Variants in EPS8L1 observed in about 807,000 individuals in gnomAD.
EPS8L1 encodes the protein epidermal growth factor receptor kinase substrate 8-like protein 1.
In EPS8L1, 101 loss-of-function variants were observed where a neutral mutation model predicts 91.7. The observed-to-expected ratio is 1.10, with a 90% CI of 0.94 to 1.30. EPS8L1 has a LOEUF of 1.30. Ranked by LOEUF, EPS8L1 falls within the 50% of genes most tolerant of loss-of-function variation. EPS8L1 has a pLI of 0.00. For synonymous variants in EPS8L1, 506 were observed against 445.3 expected (o/e 1.14, Z -1.72); for missense variants, 1,114 against 1,017.0 (o/e 1.10, Z -1.30).
chr19:55,083,070 G>A lies in EPS8L1; in HGVS notation c.1215-308G>A, dbSNP rs562611623. On this transcript the variant is annotated intron_variant, in intron 12 of 19. Transcript: ENST00000201647. This position sits in a 1 kb window ranked among gnomAD's most constrained non-coding sequence, Gnocchi z 4.7. ...GGCTGGATAAGGCAATTTTTTTCCA[G>A]AGAGAGAGATGGATGGGGTCTCAAT... Among the ~76,000 whole-genome samples, 4 of 152,196 alleles carry A rather than the reference G, an allele frequency of 2.6e-5. No homozygotes were observed. The highest frequency in any genetic ancestry group is 5.9e-5 in the Non-Finnish European group (4 of 68,004).
chr19:55,076,204 G>T (rs111231617), intron 1 of EPS8L1, among the ~76,000 whole-genome samples: 10,732 of 112,790 alleles, frequency 0.095, 693 homozygotes, highest in Non-Finnish European at 0.13. Context: ...GAGGGAGGAG[G>T]GGACTGGGGT....
rs1259352634 is a variant in EPS8L1, at chr19:55,080,566, T to C, written c.430-206T>C. 4.4e-6 allele frequency: 7 copies of C among 1,608,946 alleles called. No homozygotes were observed. The East Asian group carries it at 1.1e-4, about 26-fold the overall frequency. On this transcript the variant is annotated intron_variant, in intron 6 of 19. Transcript: ENST00000201647. The stretch of plus-strand genomic sequence containing the variant: ...GGTGGGGGCGAGGAACCACCCGGAC[T>C]GGGTCTCCATGGGCGGGGTCGTGGC...
At position 55,079,732 on chromosome 19, in the gene EPS8L1, A is replaced by G; in HGVS notation, c.160A>G (p.Thr54Ala). ...CCTGGGTGAGGACGATGGCGTGCAT[A>G]CCGTGGAGGATGCCTCCAGGAAGTT... is the stretch of plus-strand genomic sequence containing the variant. ...FCLGEDDGVH[T>A]VEDASRKLAV... The change falls in exon 5 of 20, where the codon ACC (threonine) becomes GCC (alanine). Residue 54 changes from threonine to alanine, a missense_variant. Coordinates refer to ENST00000201647, the MANE Select transcript of EPS8L1 (RefSeq NM_133180.3). The G allele has an allele frequency of 1.2e-6, 2 of 1,614,118 alleles. No individual in the cohort carries two copies. Among genetic ancestry groups the G allele is most frequent in the Non-Finnish European group, 1.7e-6 (2 of 1,180,000 alleles).
In EPS8L1 at chr19:55,087,292, C is replaced by T. The variant is rs2076363167; in HGVS notation, c.1953-11C>T. On this transcript the variant is annotated splice_polypyrimidine_tract_variant and intron_variant, in intron 18 of 19. Coordinates refer to ENST00000201647, the MANE Select transcript of EPS8L1 (RefSeq NM_133180.3). ...GACCGGCCTGACCGCGCCCGGGCTG[C>T]CCTCGCTCAGGACCGTGGACGCGCT... is the stretch of plus-strand genomic sequence containing the variant. The T allele has an allele frequency of 6.3e-7, 1 of 1,595,008 alleles. No individual in the cohort carries two copies. Among genetic ancestry groups the T allele is most frequent in the Non-Finnish European group, 8.5e-7 (1 of 1,171,404 alleles).
In EPS8L1 at chr19:55,087,748, T is replaced by C; in HGVS notation, c.*134T>C. On this transcript the variant is annotated 3_prime_UTR_variant, in exon 20 of 20. Coordinates refer to ENST00000201647, the MANE Select transcript of EPS8L1 (RefSeq NM_133180.3). ...CGGCCCTGGTCTTCCCCCATCCCGG[T>C]GGACAGACTTAACGATCCTTGCTGC... The C allele has an allele frequency of 1.1e-6, 1 of 902,292 alleles. No homozygotes were observed. The highest frequency in any genetic ancestry group is 1.8e-6 in the Non-Finnish European group (1 of 570,616). 55.9% of individuals were successfully genotyped at this position (902,292 alleles called of 1,614,324 possible).
At chr19:55,078,214 G>A in intron 3 of EPS8L1, 86 bp downstream of exon 3, 3 of 1,206,794 alleles carry the variant, frequency 2.5e-6, no homozygotes, top group Non-Finnish European at 2.4e-6. Flanking sequence ...GAGGAGGAGG[G>A]GCTGGGGGTC....
Position 55,081,981 on chromosome 19 carries a change from C to T in EPS8L1, c.901+82C>T, listed in dbSNP as rs769158966. The T allele has an allele frequency of 1.9e-6, 3 of 1,556,694 alleles. No individual in the cohort carries two copies. Among genetic ancestry groups the T allele is most frequent in the East Asian group, 2.4e-5 (1 of 41,444 alleles). ...CCGCTCTCCCCAGGCTCTCCCCTCCCGCCACTTGCCAGGGCTGACCTCACC... is the reference window on the plus strand; with the variant it reads ...CCGCTCTCCCCAGGCTCTCCCCTCCTGCCACTTGCCAGGGCTGACCTCACC... On this transcript the variant is annotated intron_variant, in intron 9 of 19. Transcript: ENST00000201647. This position sits in a 1 kb window ranked among gnomAD's most constrained non-coding sequence, Gnocchi z 4.9.
In EPS8L1 at chr19:55,085,990, G is replaced by C; in HGVS notation, c.1518+17G>C. ...GTACTGGAGGTTAGAGGAGCGGGAGGCTGAGGGGCAGGAATTAGCCAGCCC... is the reference window on the plus strand; with the variant it reads ...GTACTGGAGGTTAGAGGAGCGGGAGCCTGAGGGGCAGGAATTAGCCAGCCC... On this transcript the variant is annotated intron_variant, in intron 15 of 19. Coordinates refer to ENST00000201647, the MANE Select transcript of EPS8L1 (RefSeq NM_133180.3). The C allele has an allele frequency of 6.2e-7, 1 of 1,608,718 alleles. No homozygotes were observed. The highest frequency in any genetic ancestry group is 8.5e-7 in the Non-Finnish European group (1 of 1,175,564).
In EPS8L1 at chr19:55,081,210, T is replaced by G. The variant is rs2076250085; in HGVS notation, c.513-21T>G. 6.7e-7 allele frequency: 1 copy of G among 1,494,020 alleles called. No homozygotes were observed. Among genetic ancestry groups the G allele is most frequent in the Non-Finnish European group, 8.8e-7 (1 of 1,131,546 alleles). The allele number at this position is 1,494,020 out of a possible 1,614,324, so 92.5% of individuals were successfully genotyped here. A position where few individuals can be genotyped will look rare whatever the true frequency, so the allele number is the denominator to read the frequency against. On this transcript the variant is annotated intron_variant, in intron 7 of 19. Coordinates refer to ENST00000201647, the MANE Select transcript of EPS8L1 (RefSeq NM_133180.3). The surrounding 1 kb of genome is among the most constrained non-coding windows in gnomAD (Gnocchi z 4.9). ...GACCCCTCAGTGGACCCAGTCTTGG[T>G]GTCCCCGTCGCCCTCCGCAGGGCCA...
chr19:55,087,623 G>C lies in EPS8L1; in HGVS notation c.*9G>C, dbSNP rs769588641. 12 of 1,613,910 alleles carry C rather than the reference G, an allele frequency of 7.4e-6. No individual in the cohort carries two copies. The South Asian group carries it at 1.2e-4, about 16-fold the overall frequency. ...AAATGGAGGTCATTTGACCTGCCAG[G>C]CGCCCTTCGCAAAGAGTGACGAGGC... On this transcript the variant is annotated 3_prime_UTR_variant, in exon 20 of 20. Transcript: ENST00000201647.
chr19:55,087,205 C>T, intron 18 of EPS8L1, 98 bp from the exon 19 acceptor site: 2 of 1,482,230 alleles, frequency 1.3e-6, no homozygotes, highest in Non-Finnish European at 1.8e-6. Context: ...AGCTAGAATG[C>T]TGTTCTGATT....
rs922250743 is a variant in EPS8L1, at chr19:55,083,286, G to T, written c.1215-92G>T. The T allele has an allele frequency of 1.4e-4, 210 of 1,514,932 alleles. No homozygotes were observed. Among genetic ancestry groups the T allele is most frequent in the Non-Finnish European group, 1.8e-4 (207 of 1,120,390 alleles). 93.8% of individuals were successfully genotyped at this position (1,514,932 alleles called of 1,614,324 possible). ...GGCTAGAATCGTTGGAATACAGCGA[G>T]CTTTAGGGGAAAACTTAGTGAAGTT... On this transcript the variant is annotated intron_variant, in intron 12 of 19. Coordinates refer to ENST00000201647, the MANE Select transcript of EPS8L1 (RefSeq NM_133180.3). The surrounding 1 kb of genome is among the most constrained non-coding windows in gnomAD (Gnocchi z 4.7).
intron 6 of EPS8L1, chr19:55,080,541 G>A: frequency 6.2e-7 from 1 of 1,612,756 alleles, no homozygotes; most frequent in Non-Finnish European, 8.5e-7. Flanking sequence ...GCCAGGACGA[G>A]GTGGGGGCGA....
chr19:55,086,687 C>A (rs1287812202), intron 17 of EPS8L1, 27 bp from the exon 18 acceptor site: 17 of 1,561,826 alleles, frequency 1.1e-5, no homozygotes, highest in Non-Finnish European at 1.5e-5. Context: ...AGCCCGCACT[C>A]CCTACCTCCC....
Position 55,081,046 on chromosome 19 carries a change from CCAGG to C in EPS8L1, c.513-183_513-180del. On this transcript the variant is annotated intron_variant, in intron 7 of 19. Coordinates refer to ENST00000201647, the MANE Select transcript of EPS8L1 (RefSeq NM_133180.3). This position sits in a 1 kb window ranked among gnomAD's most constrained non-coding sequence, Gnocchi z 4.9. ...TCTGCTTCTTTTCTCTGTTCCCTGT[CCAGG>C]CCCTCAGTTTCACTCTAGAGAGGTG... 1.1e-6 allele frequency: 1 copy of C among 929,438 alleles called. No individual in the cohort carries two copies. Among genetic ancestry groups the C allele is most frequent in the Non-Finnish European group, 1.6e-6 (1 of 637,144 alleles). 57.6% of individuals were successfully genotyped at this position (929,438 alleles called of 1,614,324 possible). A position where few individuals can be genotyped will look rare whatever the true frequency, so the allele number is the denominator to read the frequency against.
At position 55,086,453 on chromosome 19, in the gene EPS8L1, C is replaced by A. The variant is rs561254058; in HGVS notation, c.1712C>A (p.Pro571His). 32 of 1,552,754 alleles carry A rather than the reference C, an allele frequency of 2.1e-5. 1 individual carries two copies. The South Asian group carries it at 3.7e-4, about 18-fold the overall frequency. ...GCCCCACCTCCAGCTCTGGCTCGGCCCCGCTGGGACAGGCCCCGCTGGGAC... is the reference window on the plus strand; with the variant it reads ...GCCCCACCTCCAGCTCTGGCTCGGCACCGCTGGGACAGGCCCCGCTGGGAC... Reference protein sequence around the residue: ...APAPPPALARPRWDRPRWDSC... With the variant: ...APAPPPALARHRWDRPRWDSC... Residue 571 changes from proline to histidine, a missense_variant, in exon 17 of 20, where the codon CCC becomes CAC. Physicochemically the swap from Pro to His is moderately conservative, Grantham distance 77. Coordinates refer to ENST00000201647, the MANE Select transcript of EPS8L1 (RefSeq NM_133180.3).
At chr19:55,082,246 C>G in intron 10 of EPS8L1, 29 bp from the exon 11 acceptor site, 1 of 1,605,032 alleles carries the variant, frequency 6.2e-7, no homozygotes, top group Non-Finnish European at 8.5e-7. Context: ...CCCGCACCCA[C>G]GCCAACCACC....
Position 55,081,582 on chromosome 19 carries a change from G to T in EPS8L1, c.774+90G>T. ...AAGGGCGGGGCCGGCTGCGGGACGGGCGTTCTCTGGTCAGACTTCTGCGTT... is the reference window on the plus strand; with the variant it reads ...AAGGGCGGGGCCGGCTGCGGGACGGTCGTTCTCTGGTCAGACTTCTGCGTT... On this transcript the variant is annotated intron_variant, in intron 8 of 19. Coordinates refer to ENST00000201647, the MANE Select transcript of EPS8L1 (RefSeq NM_133180.3). The surrounding 1 kb of genome is among the most constrained non-coding windows in gnomAD (Gnocchi z 4.9). The T allele has an allele frequency of 7.1e-7, 1 of 1,410,332 alleles. No homozygotes were observed. Among genetic ancestry groups the T allele is most frequent in the Non-Finnish European group, 9.3e-7 (1 of 1,074,192 alleles). 87.4% of individuals were successfully genotyped at this position (1,410,332 alleles called of 1,614,324 possible). A position where few individuals can be genotyped will look rare whatever the true frequency, so the allele number is the denominator to read the frequency against.
intron 7 of EPS8L1, 130 bp downstream of exon 7, chr19:55,080,984 C>A: frequency 2.1e-6 from 2 of 960,352 alleles, no homozygotes; most frequent in South Asian, 1.7e-5. Context: ...CGAGTCTTGT[C>A]TGTACCTCCC....
Sources: gnomAD v4.1 joint callset for allele counts (sites outside exome capture counted in the v4.1 genomes callset) on GRCh38, gnomAD v4.1.1 for gene constraint, Gnocchi (gnomAD v3.1) non-coding constraint, MANE v1.5 for transcripts, NCBI Gene and HGNC (gene_info 2026-07-23, HGNC 2026-07-21) for gene names.